The following WASF3 variants were observed in gnomAD, a reference collection of about 807,000 sequenced individuals.
WASF3 encodes the protein WASP family member 3, also known as actin-binding protein WASF3.
WASF3 carries 11 observed loss-of-function variants against 46.6 expected under a neutral mutation model. The observed-to-expected ratio is 0.24, with a 90% confidence interval of 0.15 to 0.39. The LOEUF (loss-of-function observed/expected upper bound fraction) is 0.39, where lower values mean the gene tolerates loss of function less well. Among genes scored for constraint, WASF3 ranks in the 10% least tolerant of loss-of-function variants. The pLI is 1.00. For missense variants in WASF3, 576 were observed against 669.8 expected (o/e 0.86, Z 1.55); for synonymous variants, 242 against 259.7 (o/e 0.93, Z 0.65).
intron 2 of WASF3, among the ~76,000 whole-genome samples, chr13:26,617,447 T>A (rs1429058610): frequency 1.3e-5 from 2 of 152,198 alleles, no homozygotes; most frequent in African/African-American, 4.8e-5. Flanking sequence ...GATGTATTCT[T>A]GAATATTTAT....
At chr13:26,619,961 C>G (rs376289815) in intron 2 of WASF3, among the ~76,000 whole-genome samples, 1 of 152,180 alleles carries the variant, frequency 6.6e-6, no homozygotes, top group Non-Finnish European at 1.5e-5. Context: ...GTAGCCTTGG[C>G]TTACTGGCAT....
chr13:26,589,744 G>T (rs1412997962), intron 1 of WASF3, among the ~76,000 whole-genome samples: 1 of 152,112 alleles, frequency 6.6e-6, no homozygotes, highest in Admixed American at 6.5e-5. Context: ...TGTAGTTTGG[G>T]GTGTAGGATA....
intron 1 of WASF3, among the ~76,000 whole-genome samples, chr13:26,578,924 C>T (rs976138951): frequency 1.4e-5 from 2 of 147,670 alleles, no homozygotes; most frequent in Non-Finnish European, 3.0e-5. Flanking sequence ...TGATTTTGTC[C>T]TTTATGATAG....
chr13:26,585,403 A>G (rs1440414977), intron 1 of WASF3, among the ~76,000 whole-genome samples: 2 of 151,700 alleles, frequency 1.3e-5, no homozygotes, highest in Non-Finnish European at 3.0e-5. Flanking sequence ...GAGAAAAATC[A>G]TATGGTTAGC....
chr13:26,675,473 GACACACATACACAC>G (rs1258029998), intron 6 of WASF3, among the ~76,000 whole-genome samples: 1 of 80,176 alleles, frequency 1.2e-5, no homozygotes, highest in African/African-American at 5.4e-5. Context: ...TTCCAGACTA[GACACACATACACAC>G]ACACACACAC....
At chr13:26,620,922 C>A (rs1331013) in intron 2 of WASF3, among the ~76,000 whole-genome samples, 2 of 151,934 alleles carry the variant, frequency 1.3e-5, no homozygotes, top group African/African-American at 4.8e-5. Flanking sequence ...ACAAAGTTGC[C>A]TTTTTCTGGG....
At chr13:26,623,401 C>T (rs185563366) in intron 2 of WASF3, among the ~76,000 whole-genome samples, 3 of 152,280 alleles carry the variant, frequency 2.0e-5, no homozygotes, top group East Asian at 1.9e-4. Flanking sequence ...AAACCTCTAG[C>T]CCATAGGACT....
rs115672680 is a variant in WASF3, at chr13:26,640,068, G to T, written c.-10-2193G>T. ...GTGATAGGTGTGTGGGCTCTGGATTGGTTGGTTTGCATTTTGAAGAGGGCC... is the reference window on the plus strand; with the variant it reads ...GTGATAGGTGTGTGGGCTCTGGATTTGTTGGTTTGCATTTTGAAGAGGGCC... On this transcript the variant is annotated intron_variant, in intron 2 of 9. Transcript: ENST00000335327. Among the ~76,000 whole-genome samples the T allele has an allele frequency of 5.6e-3, 855 of 152,078 alleles. 10 individuals carry two copies. The highest frequency in any genetic ancestry group is 0.02 in the African/African-American group (813 of 41,486).
chr13:26,638,920 A>C (rs1372449557), intron 2 of WASF3, among the ~76,000 whole-genome samples: 1 of 152,200 alleles, frequency 6.6e-6, no homozygotes, highest in African/African-American at 2.4e-5. Flanking sequence ...GTGGTTAAAA[A>C]GAGTCTGGCT....
chr13:26,573,777 C>G (rs545155076), intron 1 of WASF3, among the ~76,000 whole-genome samples: 48 of 152,302 alleles, frequency 3.2e-4, no homozygotes, highest in African/African-American at 1.1e-3. Context: ...GAAACCAGTA[C>G]TCAGACCATT....
At position 26,688,678 on chromosome 13, in the gene WASF3, A is replaced by T. The variant is rs1883485044; in HGVS notation, c.*2833A>T. On this transcript the variant is annotated 3_prime_UTR_variant, in exon 10 of 10. Transcript: ENST00000335327. ...GTGGCTAGGTTGTAAAAGTTTTATAATAATTTGCAATTAAAATACATGATA... is the reference window on the plus strand; with the variant it reads ...GTGGCTAGGTTGTAAAAGTTTTATATTAATTTGCAATTAAAATACATGATA... The T allele has an allele frequency of 6.6e-6, 1 of 152,254 alleles. No individual in the cohort carries two copies. The highest frequency in any genetic ancestry group is 2.1e-4 in the South Asian group (1 of 4,838). The allele number at this position is 152,254 out of a possible 1,614,324, so 9.4% of individuals were successfully genotyped here.
chr13:26,607,815 T>C (rs1229538702), intron 1 of WASF3, among the ~76,000 whole-genome samples: 2 of 152,054 alleles, frequency 1.3e-5, no homozygotes, highest in Non-Finnish European at 2.9e-5. Context: ...TTTAAATTAT[T>C]TGTAGAGATG....
chr13:26,556,083 C>G (rs1879090911), upstream of WASF3, among the ~76,000 whole-genome samples: 1 of 152,188 alleles, frequency 6.6e-6, no homozygotes, highest in African/African-American at 2.4e-5. Flanking sequence ...AAAATAAGGG[C>G]CTTATCCTCA....
At chr13:26,590,712 A>G (rs1880265879) in intron 1 of WASF3, among the ~76,000 whole-genome samples, 1 of 152,218 alleles carries the variant, frequency 6.6e-6, no homozygotes, top group African/African-American at 2.4e-5. Flanking sequence ...TACACTTTTT[A>G]TCCTTTCAGC....
chr13:26,676,971 C>T (rs777546821), intron 7 of WASF3, among the ~76,000 whole-genome samples: 2 of 152,172 alleles, frequency 1.3e-5, no homozygotes, highest in Non-Finnish European at 2.9e-5. Flanking sequence ...TTGAGTTCAT[C>T]TAGATGTAGT....
At chr13:26,585,929 A>C (rs1880115439) in intron 1 of WASF3, among the ~76,000 whole-genome samples, 1 of 152,112 alleles carries the variant, frequency 6.6e-6, no homozygotes, top group African/African-American at 2.4e-5. Flanking sequence ...TAGGAAAGAA[A>C]GGTTTAAGGC....
At chr13:26,572,525 A>G (rs1022483650) in intron 1 of WASF3, among the ~76,000 whole-genome samples, 1 of 152,152 alleles carries the variant, frequency 6.6e-6, no homozygotes, top group African/African-American at 2.4e-5. Flanking sequence ...ATGGTGAATT[A>G]TATTACTAGA....
At chr13:26,618,090 C>T (rs1385642639) in intron 2 of WASF3, among the ~76,000 whole-genome samples, 4 of 152,048 alleles carry the variant, frequency 2.6e-5, no homozygotes, top group Non-Finnish European at 4.4e-5. Flanking sequence ...TGAAAACAGA[C>T]GAATATGAAG....
chr13:26,568,359 A>G (rs764993919), intron 1 of WASF3, among the ~76,000 whole-genome samples: 9 of 152,234 alleles, frequency 5.9e-5, no homozygotes, highest in Non-Finnish European at 1.2e-4. Context: ...AGGAGGTCTT[A>G]GTAGAATAGC....
Sources: allele counts gnomAD v4.1 joint callset (sites outside exome capture counted in the v4.1 genomes callset), GRCh38; gene constraint gnomAD v4.1.1; transcripts MANE v1.5; gene names NCBI Gene and HGNC (gene_info 2026-07-23, HGNC 2026-07-21).